PDE8B: variants seen among roughly 807,000 people sequenced by gnomAD.
PDE8B encodes high affinity cAMP-specific and IBMX-insensitive 3',5'-cyclic phosphodiesterase 8B.
In PDE8B, 26 loss-of-function variants were observed where a neutral mutation model predicts 101.3. The ratio of observed to expected loss-of-function variants is 0.26; its 90% CI spans 0.19 to 0.36. PDE8B has a LOEUF of 0.36. Ranked by LOEUF, PDE8B falls within the 10% of genes least tolerant of loss-of-function variation. PDE8B has a pLI of 1.00. For missense variants in PDE8B, 810 were observed against 1,163.1 expected (o/e 0.70, Z 4.42); for synonymous variants, 424 against 429.3 (o/e 0.99, Z 0.15).
At chr5:77,220,566 TG>T (rs1750885631) in intron 1 of PDE8B, among the ~76,000 whole-genome samples, 1 of 152,242 alleles carries the variant, frequency 6.6e-6, no homozygotes, top group African/African-American at 2.4e-5. Flanking sequence ...TAGTTGTTAT[TG>T]GGGAAAGACT....
the PDE8B span, among the ~76,000 whole-genome samples, chr5:77,142,863 C>T: frequency 6.6e-6 from 1 of 151,892 alleles, no homozygotes; most frequent in East Asian, 1.9e-4. Context: ...AGACGCTTTG[C>T]TCAGAATTTA....
At chr5:77,380,665 G>T (rs936390052) in intron 10 of PDE8B, among the ~76,000 whole-genome samples, 4 of 152,102 alleles carry the variant, frequency 2.6e-5, no homozygotes, top group Admixed American at 6.5e-5. Flanking sequence ...GCTTTTATAC[G>T]CCAGGTACTG....
the PDE8B span, chr5:77,114,272 C>T: frequency 6.6e-6 from 1 of 152,040 alleles, no homozygotes; most frequent in Non-Finnish European, 1.5e-5. Context: ...TGATGTCCAT[C>T]AATGATAGAT....
chr5:77,325,063 T>C lies in PDE8B; in HGVS notation c.400-476T>C, dbSNP rs79641778. On this transcript the variant is annotated intron_variant, in intron 2 of 21. Coordinates refer to ENST00000264917, the MANE Select transcript of PDE8B (RefSeq NM_003719.5). Reference sequence around the variant, plus strand: ...GTGAAATACCTTGTTCAAAGACCACTGTAACCAACTGGAGGAGCTGGGATT... The same window carrying C: ...GTGAAATACCTTGTTCAAAGACCACCGTAACCAACTGGAGGAGCTGGGATT... Among the ~76,000 whole-genome samples, 800 of 152,316 alleles carry C rather than the reference T, an allele frequency of 5.3e-3. 8 individuals are homozygous for C. Among genetic ancestry groups the C allele is most frequent in the African/African-American group, 0.019 (780 of 41,566 alleles).
chr5:77,399,293 A>C (rs909441502), intron 10 of PDE8B, among the ~76,000 whole-genome samples: 1 of 152,270 alleles, frequency 6.6e-6, no homozygotes, highest in Non-Finnish European at 1.5e-5. Context: ...GGGGTTAATC[A>C]GAAGTCAACA....
chr5:77,254,181 A>G (rs1758640465), intron 1 of PDE8B, among the ~76,000 whole-genome samples: 1 of 152,146 alleles, frequency 6.6e-6, no homozygotes, highest in Non-Finnish European at 1.5e-5. Flanking sequence ...CAACTAGATT[A>G]TATATGATGG....
the PDE8B span, among the ~76,000 whole-genome samples, chr5:77,196,274 A>G: frequency 6.6e-6 from 1 of 152,056 alleles, no homozygotes; most frequent in Non-Finnish European, 1.5e-5. Context: ...AAACTTTTTA[A>G]TTTTGATGAA....
chr5:77,341,145 C>G (rs1318871620), intron 6 of PDE8B, among the ~76,000 whole-genome samples: 1 of 152,104 alleles, frequency 6.6e-6, no homozygotes, highest in Non-Finnish European at 1.5e-5. Context: ...TTCTAAAACT[C>G]TAGAAACATG....
intron 1 of PDE8B, among the ~76,000 whole-genome samples, chr5:77,228,740 C>T (rs1196975922): frequency 6.6e-6 from 1 of 152,086 alleles, no homozygotes; most frequent in Non-Finnish European, 1.5e-5. Context: ...GTTTGTCAGG[C>T]TGAAGAATGA....
chr5:77,091,225 G>A, the PDE8B span, among the ~76,000 whole-genome samples: 9 of 152,338 alleles, frequency 5.9e-5, no homozygotes, highest in East Asian at 1.5e-3. Context: ...TGTTCAAGGT[G>A]ATGGGTATCC....
chr5:77,097,144 G>A, the PDE8B span, among the ~76,000 whole-genome samples: 1 of 152,102 alleles, frequency 6.6e-6, no homozygotes, highest in Non-Finnish European at 1.5e-5. Context: ...AGGAAGGGAA[G>A]GAAGAAGAGA....
At chr5:77,323,640 T>C (rs1474327552) in intron 2 of PDE8B, among the ~76,000 whole-genome samples, 1 of 152,204 alleles carries the variant, frequency 6.6e-6, no homozygotes, top group East Asian at 1.9e-4. Flanking sequence ...TCTACTTTTC[T>C]ATATACTTCC....
intron 1 of PDE8B, among the ~76,000 whole-genome samples, chr5:77,271,889 T>C (rs1014505277): frequency 6.6e-6 from 1 of 152,172 alleles, no homozygotes; most frequent in Non-Finnish European, 1.5e-5. Context: ...TGGGGAGGGA[T>C]GTGAATGTAG....
At chr5:77,337,392 A>C in intron 6 of PDE8B, 77 bp downstream of exon 6, 2 of 790,860 alleles carry the variant, frequency 2.5e-6, no homozygotes, top group South Asian at 2.9e-5. Context: ...GCTGATGTTC[A>C]GGGGTTCATA....
chr5:77,123,100 A>G, the PDE8B span, among the ~76,000 whole-genome samples: 1 of 152,166 alleles, frequency 6.6e-6, no homozygotes, highest in Non-Finnish European at 1.5e-5. Context: ...ACCTGAGACT[A>G]CTTAGTTTAT....
rs1027532626 is a variant in PDE8B at position 77,248,396 on chromosome 5, G to A, written c.339+37132G>A. ...GAGAGAGTATAACTGCACTGAGAGG[G>A]ATACCTTCTATCCTCAAGAATTAAG... On this transcript the variant is annotated intron_variant, in intron 1 of 21. Coordinates refer to ENST00000264917, the MANE Select transcript of PDE8B (RefSeq NM_003719.5). Among the ~76,000 whole-genome samples, 18 of 152,122 alleles carry A rather than the reference G, an allele frequency of 1.2e-4. No homozygotes were observed. In the South Asian group the frequency reaches 1.2e-3, roughly 11 times the overall value.
At chr5:77,260,573 C>T (rs1438773302) in intron 1 of PDE8B, among the ~76,000 whole-genome samples, 1 of 148,304 alleles carries the variant, frequency 6.7e-6, no homozygotes. Flanking sequence ...ATAATTTTCA[C>T]TGTGGCTCAT....
intron 10 of PDE8B, among the ~76,000 whole-genome samples, chr5:77,365,283 A>C (rs1025784658): frequency 6.6e-6 from 1 of 152,204 alleles, no homozygotes; most frequent in Non-Finnish European, 1.5e-5. Flanking sequence ...AGAGCGCCCC[A>C]GGGGATTCTG....
In PDE8B at chr5:77,427,746, TAA is replaced by T. The variant is rs968847583; in HGVS notation, c.*1194_*1195del. On this transcript the variant is annotated 3_prime_UTR_variant, in exon 22 of 22. Transcript: ENST00000264917. ...TTTTCACAACTCCCTGTGATCTACA[TAA>T]AGTCAGACTCGAGATTTTCCTTTCT... The T allele has an allele frequency of 6.6e-6, 1 of 152,192 alleles. No homozygotes were observed. Among genetic ancestry groups the T allele is most frequent in the African/African-American group, 2.4e-5 (1 of 41,446 alleles). The allele number at this position is 152,192 out of a possible 1,614,324, so 9.4% of individuals were successfully genotyped here. A position where few individuals can be genotyped will look rare whatever the true frequency, so the allele number is the denominator to read the frequency against.
Sources: allele counts gnomAD v4.1 joint callset (sites outside exome capture counted in the v4.1 genomes callset), GRCh38; gene constraint gnomAD v4.1.1; transcripts MANE v1.5; gene names NCBI Gene and HGNC (gene_info 2026-07-23, HGNC 2026-07-21).